The following HMCN1 variants were observed in gnomAD, a reference collection of about 807,000 sequenced individuals.
HMCN1 encodes hemicentin 1.
HMCN1 carries 321 observed loss-of-function variants against 625.9 expected under a neutral mutation model. The ratio of observed to expected loss-of-function variants is 0.51; its 90% CI spans 0.47 to 0.56. HMCN1 has a LOEUF of 0.56. Among genes scored for constraint, HMCN1 ranks in the 20% least tolerant of loss-of-function variants. The pLI, the probability that HMCN1 is intolerant of heterozygous loss-of-function variation, is 0.00. For missense variants in HMCN1, 6,588 were observed against 6,887.3 expected (o/e 0.96, Z 1.54); for synonymous variants, 2,425 against 2,417.6 (o/e 1.00, Z -0.09).
intron 71 of HMCN1, among the ~76,000 whole-genome samples, chr1:186,109,431 T>C (rs1015257588): frequency 1.3e-5 from 2 of 152,186 alleles, no homozygotes; most frequent in African/African-American, 4.8e-5. Context: ...ATTTATTGTG[T>C]GCCTACTAGA....
chr1:186,078,368 C>T (rs1030012178), intron 55 of HMCN1, 148 bp downstream of exon 55: 6 of 673,918 alleles, frequency 8.9e-6, no homozygotes, highest in African/African-American at 7.2e-5. Flanking sequence ...TTATCTTCTA[C>T]AAATTGACAG....
intron 29 of HMCN1, 83 bp from the exon 30 acceptor site, chr1:186,007,045 T>C (rs1343056292): frequency 3.9e-6 from 4 of 1,014,572 alleles, no homozygotes; most frequent in Non-Finnish European, 4.7e-6. Flanking sequence ...ATTTTTAGCC[T>C]GTACTAATGA....
chr1:186,096,160 C>T (rs950755679), intron 68 of HMCN1, among the ~76,000 whole-genome samples: 1 of 152,106 alleles, frequency 6.6e-6, no homozygotes, highest in African/African-American at 2.4e-5. Context: ...ACTCCATGCT[C>T]CTTACATAGC....
chr1:185,967,017 T>A (rs1272591293), intron 14 of HMCN1, among the ~76,000 whole-genome samples: 1 of 152,142 alleles, frequency 6.6e-6, no homozygotes, highest in East Asian at 1.9e-4. Flanking sequence ...TTTATGTTGG[T>A]TAACATAAAC....
chr1:185,892,411 TC>T (rs1296874223), intron 4 of HMCN1, among the ~76,000 whole-genome samples: 13 of 150,630 alleles, frequency 8.6e-5, no homozygotes, highest in East Asian at 1.9e-4. Flanking sequence ...TTCCAGTTTT[TC>T]TGTTCTGTTT....
chr1:185,739,717 A>C (rs932639567), intron 1 of HMCN1, among the ~76,000 whole-genome samples: 6 of 152,168 alleles, frequency 3.9e-5, no homozygotes, highest in African/African-American at 1.4e-4. Flanking sequence ...TGGAGCTTAC[A>C]TTCTATTGCA....
At chr1:186,168,537 T>G (rs2102627735) in intron 100 of HMCN1, among the ~76,000 whole-genome samples, 1 of 127,742 alleles carries the variant, frequency 7.8e-6, no homozygotes, top group South Asian at 2.4e-4. Flanking sequence ...TTAAAAGATG[T>G]CAAATAGAAA....
chr1:185,975,015 C>G (rs1457199664), intron 15 of HMCN1, among the ~76,000 whole-genome samples: 4 of 152,154 alleles, frequency 2.6e-5, no homozygotes, highest in Admixed American at 2.6e-4. Context: ...TTCTTCCAAG[C>G]AGTTGGTTGA....
chr1:186,174,699 A>G, intron 103 of HMCN1, 57 bp downstream of exon 103: 1 of 1,566,480 alleles, frequency 6.4e-7, no homozygotes, highest in Non-Finnish European at 8.8e-7. Flanking sequence ...ACCTAGCCTT[A>G]CCAACTCGCT....
rs868500062 is a variant in HMCN1, at chr1:185,952,659, G to T, written c.1829-9859G>T. ...GTCGAGTTTGTATTGGGGTCAAGCG[G>T]CATTGCAGAAGAAAATAAGATGCTT... On this transcript the variant is annotated intron_variant, in intron 11 of 106. Transcript: ENST00000271588. Among the ~76,000 whole-genome samples, 65 of 151,708 alleles carry T rather than the reference G, an allele frequency of 4.3e-4. 1 individual carries two copies. The highest frequency in any genetic ancestry group is 1.5e-3 in the African/African-American group (62 of 41,068).
At chr1:185,822,954 T>C (rs1557996053) in intron 1 of HMCN1, among the ~76,000 whole-genome samples, 1 of 152,130 alleles carries the variant, frequency 6.6e-6, no homozygotes, top group Non-Finnish European at 1.5e-5. Context: ...ATTTGAACAA[T>C]CTCACTGTTA....
intron 36 of HMCN1, among the ~76,000 whole-genome samples, chr1:186,035,409 C>A (rs1655753430): frequency 6.6e-6 from 1 of 152,032 alleles, no homozygotes; most frequent in Non-Finnish European, 1.5e-5. Flanking sequence ...TTATTATCTT[C>A]TTTGATTTTG....
rs1306049718 is a variant in HMCN1 at position 186,130,681 on chromosome 1, C to T, written c.13214C>T (p.Ala4405Val). Reference protein sequence around the residue: ...RIRQLGNGSLAIYGTVNEDAG... With the variant: ...RIRQLGNGSLVIYGTVNEDAG... ...CGGCAACTGGGCAATGGCTCCCTGG[C>T]CATCTATGGCACTGTTGTAAGTCAC... Residue 4405 changes from alanine (A) to valine (V), a missense_variant, in exon 85 of 107, where the codon GCC becomes GTC. By Grantham distance (64) the Ala-to-Val change is moderately conservative. Coordinates refer to ENST00000271588, the MANE Select transcript of HMCN1 (RefSeq NM_031935.3). 67 of 1,612,456 alleles carry T rather than the reference C, an allele frequency of 4.2e-5. No individual in the cohort carries two copies. The highest frequency in any genetic ancestry group is 5.4e-5 in the Non-Finnish European group (64 of 1,179,446).
At chr1:185,809,132 A>T (rs1659351705) in intron 1 of HMCN1, among the ~76,000 whole-genome samples, 1 of 152,258 alleles carries the variant, frequency 6.6e-6, no homozygotes, top group East Asian at 1.9e-4. Flanking sequence ...CATTCCTAAC[A>T]TATGTCTAAG....
intron 1 of HMCN1, among the ~76,000 whole-genome samples, chr1:185,776,455 T>C: frequency 6.6e-6 from 1 of 151,890 alleles, no homozygotes; most frequent in South Asian, 2.1e-4. Flanking sequence ...TGTGTGTGTG[T>C]GTGTGTGTGT....
intron 105 of HMCN1, among the ~76,000 whole-genome samples, chr1:186,186,382 C>T (rs945901663): frequency 6.6e-6 from 1 of 152,092 alleles, no homozygotes; most frequent in African/African-American, 2.4e-5. Flanking sequence ...CAAAAATTAG[C>T]CAGGCATGGT....
intron 96 of HMCN1, 119 bp from the exon 97 acceptor site, chr1:186,153,631 A>T (rs141151582): frequency 3.7e-6 from 3 of 810,858 alleles, no homozygotes; most frequent in South Asian, 1.4e-5. Flanking sequence ...ATCATGCATG[A>T]TGTGTGTTTT....
At chr1:185,939,846 A>AGGCACTTAAGATGCCACTC (rs1181236550) in intron 11 of HMCN1, among the ~76,000 whole-genome samples, 1 of 152,200 alleles carries the variant, frequency 6.6e-6, no homozygotes, top group Non-Finnish European at 1.5e-5. Flanking sequence ...TCTCAAAAAG[A>AGGCACTTAAGATGCCACTC]AAAGCAACAG....
At chr1:185,938,395 G>A (rs1014594938) in intron 11 of HMCN1, among the ~76,000 whole-genome samples, 4 of 152,102 alleles carry the variant, frequency 2.6e-5, no homozygotes, top group African/African-American at 9.7e-5. Flanking sequence ...TCAGATTTGT[G>A]TCTGACTTCT....
Sources: gnomAD v4.1 joint callset for allele counts (sites outside exome capture counted in the v4.1 genomes callset) on GRCh38, gnomAD v4.1.1 for gene constraint, MANE v1.5 for transcripts, NCBI Gene and HGNC (gene_info 2026-07-23, HGNC 2026-07-21) for gene names.